SAMD4B: variants seen among roughly 807,000 people sequenced by gnomAD.
SAMD4B encodes protein Smaug homolog 2.
SAMD4B carries 5 observed loss-of-function variants against 74.5 expected under a neutral mutation model. That is an observed-to-expected ratio of 0.07 (90% confidence interval 0.04 to 0.14). The LOEUF (loss-of-function observed/expected upper bound fraction) is 0.14. Among genes scored for constraint, SAMD4B ranks in the 10% least tolerant of loss-of-function variants. The probability of loss-of-function intolerance (pLI) is 1.00; values close to 1 mark genes in which losing one functional copy is unlikely to be tolerated. For missense variants in SAMD4B, 608 were observed against 921.8 expected (o/e 0.66, Z 4.41); for synonymous variants, 373 against 374.9 (o/e 1.00, Z 0.06).
Position 39,380,081 on chromosome 19 carries a change from A to G in SAMD4B, c.1646A>G (p.Lys549Arg). The change falls in exon 10 of 14, where the codon AAA becomes AGA. Residue 549 changes from lysine to arginine, a missense_variant. Transcript: ENST00000610417. Reference protein sequence around the residue: ...ALEMQNYRQQKGWAFGSNSLP... With the variant: ...ALEMQNYRQQRGWAFGSNSLP... The stretch of plus-strand genomic sequence containing the variant: ...GAGATGCAGAACTACCGGCAGCAGA[A>G]AGGGTAGGCGGGTGGCCAGGTTACA... 6.2e-7 allele frequency: 1 copy of G among 1,613,034 alleles called. No homozygotes were observed. The highest frequency in any genetic ancestry group is 8.5e-7 in the Non-Finnish European group (1 of 1,179,482).
intron 4 of SAMD4B, among the ~76,000 whole-genome samples, chr19:39,373,820 C>A (rs757933388): frequency 1.3e-4 from 20 of 151,718 alleles, no homozygotes; most frequent in Admixed American, 2.6e-4. Context: ...CAAAATTAGC[C>A]AGGCGTGGTG....
chr19:39,385,883 G>C, downstream of SAMD4B: 6 of 1,498,078 alleles, frequency 4.0e-6, no homozygotes, highest in Non-Finnish European at 5.4e-6. Context: ...AACAGCAAAG[G>C]TTTGGGGGTG....
Position 39,378,859 on chromosome 19 carries a change from G to A in SAMD4B, c.1530+270G>A, listed in dbSNP as rs111551941. Among the ~76,000 whole-genome samples, 931 of 152,344 alleles carry A rather than the reference G, an allele frequency of 6.1e-3. 9 individuals are homozygous for A. Among genetic ancestry groups the A allele is most frequent in the African/African-American group, 0.021 (886 of 41,576 alleles). On this transcript the variant is annotated intron_variant, in intron 9 of 13. Coordinates refer to ENST00000610417, the MANE Select transcript of SAMD4B (RefSeq NM_001384574.2). The surrounding 1 kb of genome is among the most constrained non-coding windows in gnomAD (Gnocchi z 4.4). ...GTGGAGCTTGTGGTGAGCCAAGATC[G>A]CGCCACTGCACTCCAGCCTGGACGA...
intron 1 of SAMD4B, among the ~76,000 whole-genome samples, chr19:39,352,715 G>A (rs751306702): frequency 1.3e-5 from 2 of 151,698 alleles, no homozygotes; most frequent in Non-Finnish European, 2.9e-5. Context: ...TTGGCCTGGG[G>A]GGAAAAGCTG....
intron 3 of SAMD4B, among the ~76,000 whole-genome samples, chr19:39,367,596 C>A (rs1196081616): frequency 6.6e-6 from 1 of 150,394 alleles, no homozygotes; most frequent in Non-Finnish European, 1.5e-5. Context: ...GCAACCTCCA[C>A]CTCCCGAGTT....
rs2077052145 is a variant in SAMD4B at position 39,367,751 on chromosome 19, C to T, written c.197-1904C>T. On this transcript the variant is annotated intron_variant, in intron 3 of 13. Coordinates refer to ENST00000610417, the MANE Select transcript of SAMD4B (RefSeq NM_001384574.2). ...CTCCAGCTCCTGACCTCAGGTGATC[C>T]ACCTGCCTCAGCCTCCCAGAGTGCT... Among the ~76,000 whole-genome samples, 4 of 151,260 alleles carry T rather than the reference C, an allele frequency of 2.6e-5. No individual in the cohort carries two copies. In the South Asian group the frequency reaches 8.3e-4, roughly 31 times the overall value.
At chr19:39,372,813 T>A (rs1163990510) in intron 4 of SAMD4B, among the ~76,000 whole-genome samples, 2 of 152,060 alleles carry the variant, frequency 1.3e-5, no homozygotes, top group Non-Finnish European at 2.9e-5. Context: ...CAAAAAGGCC[T>A]GTCTTGAGGA....
chr19:39,386,810 T>C (rs1600606169), downstream of SAMD4B: 2 of 1,591,680 alleles, frequency 1.3e-6, no homozygotes. This position sits in a 1 kb window ranked among gnomAD's most constrained non-coding sequence, Gnocchi z 6.1. Context: ...CTGCAGGGGG[T>C]GAATTTGGGA....
intron 3 of SAMD4B, among the ~76,000 whole-genome samples, chr19:39,358,531 T>C (rs1336809504): frequency 6.6e-6 from 1 of 151,484 alleles, no homozygotes; most frequent in African/African-American, 2.4e-5. Context: ...ATTACAGGCA[T>C]GAGCCACCGC....
downstream of SAMD4B, chr19:39,389,805 A>ACCCCTCACAGCCCTGCTTCC: frequency 6.2e-7 from 1 of 1,612,590 alleles, no homozygotes; most frequent in South Asian, 1.1e-5. The surrounding 1 kb of genome is among the most constrained non-coding windows in gnomAD (Gnocchi z 5.3). Flanking sequence ...TTCCAGCTTC[A>ACCCCTCACAGCCCTGCTTCC]CCCCTCACAG....
intron 3 of SAMD4B, among the ~76,000 whole-genome samples, chr19:39,360,826 C>T (rs1397407859): frequency 6.6e-6 from 1 of 152,172 alleles, no homozygotes. Context: ...GTGACTGTTA[C>T]AATCCAGATT....
chr19:39,362,048 G>A (rs916140011), intron 3 of SAMD4B, among the ~76,000 whole-genome samples: 6 of 152,124 alleles, frequency 3.9e-5, no homozygotes, highest in South Asian at 2.1e-4. Flanking sequence ...ATGTCCCACC[G>A]AACCAACCTT....
At chr19:39,349,596 TG>T (rs1722553178) in intron 1 of SAMD4B, among the ~76,000 whole-genome samples, 2 of 152,230 alleles carry the variant, frequency 1.3e-5, no homozygotes. Flanking sequence ...TAAGAGAAGT[TG>T]TGCTCCCTTG....
At chr19:39,387,200 G>A, downstream of SAMD4B, 1 of 439,482 alleles carries the variant, frequency 2.3e-6, no homozygotes, top group Non-Finnish European at 4.6e-6. Flanking sequence ...AGGCTACAAG[G>A]TTGTACAGCA....
At chr19:39,382,369 T>C (rs1474120777) in intron 12 of SAMD4B, among the ~76,000 whole-genome samples, 1 of 152,126 alleles carries the variant, frequency 6.6e-6, no homozygotes, top group Non-Finnish European at 1.5e-5. Flanking sequence ...CCCAACTGTA[T>C]GTGTAAGGAC....
chr19:39,385,306 C>T lies in SAMD4B; in HGVS notation c.*1779C>T, dbSNP rs1201632769. ...TCAGCAGGGTGTCCCTCTCATGGGA[C>T]CCTCCCCTCTCCCCAGCCTGTCCTG... On this transcript the variant is annotated 3_prime_UTR_variant, in exon 14 of 14. Coordinates refer to ENST00000610417, the MANE Select transcript of SAMD4B (RefSeq NM_001384574.2). 2.6e-6 allele frequency: 1 copy of T among 380,156 alleles called. No homozygotes were observed. Among genetic ancestry groups the T allele is most frequent in the Non-Finnish European group, 4.6e-6 (1 of 215,072 alleles). The allele number at this position is 380,156 out of a possible 1,614,324, so 23.5% of individuals were successfully genotyped here.
intron 3 of SAMD4B, among the ~76,000 whole-genome samples, chr19:39,364,813 T>C (rs1018280981): frequency 6.6e-6 from 1 of 152,178 alleles, no homozygotes; most frequent in Non-Finnish European, 1.5e-5. Flanking sequence ...TTCATAATCT[T>C]GGCAGTCGGT....
chr19:39,348,437 C>T (rs1301031914), intron 1 of SAMD4B: 4 of 152,194 alleles, frequency 2.6e-5, no homozygotes, highest in Admixed American at 2.0e-4. Context: ...TGTGACGGTC[C>T]GGGGAAGAGC....
At chr19:39,357,446 A>G (rs2076398809) in intron 3 of SAMD4B, among the ~76,000 whole-genome samples, 1 of 152,206 alleles carries the variant, frequency 6.6e-6, no homozygotes. Context: ...TCAGGATATC[A>G]GGGCTAGGAG....
Sources: gnomAD v4.1 joint callset for allele counts (sites outside exome capture counted in the v4.1 genomes callset) on GRCh38, gnomAD v4.1.1 for gene constraint, Gnocchi (gnomAD v3.1) non-coding constraint, MANE v1.5 for transcripts, NCBI Gene and HGNC (gene_info 2026-07-23, HGNC 2026-07-21) for gene names.